Variants in PAPSS2 observed in about 807,000 individuals in gnomAD.
PAPSS2 encodes bifunctional 3'-phosphoadenosine 5'-phosphosulfate synthase 2.
Under a neutral mutation model 66.5 loss-of-function variants are expected in PAPSS2, and 61 were observed. The ratio of observed to expected loss-of-function variants is 0.92; its 90% CI spans 0.75 to 1.14. The LOEUF (loss-of-function observed/expected upper bound fraction) is 1.14. Among genes scored for constraint, PAPSS2 ranks in the 50% most tolerant of loss-of-function variants. The probability of loss-of-function intolerance (pLI) is 0.00; values close to 1 mark genes in which losing one functional copy is unlikely to be tolerated. For synonymous variants in PAPSS2, 289 were observed against 287.5 expected (o/e 1.01, Z -0.05); for missense variants, 708 against 789.6 (o/e 0.90, Z 1.24).
In PAPSS2 at chr10:87,721,906, G is replaced by A. The variant is rs1166005866; in HGVS notation, c.880+136G>A. On this transcript the variant is annotated intron_variant, in intron 8 of 12. Coordinates refer to ENST00000456849, the MANE Select transcript of PAPSS2 (RefSeq NM_001015880.2). ...TCGCTATTAGTTCATGATCCAACCAGCTATAGTAGAATAACACTGTATTTT... is the reference window on the plus strand; with the variant it reads ...TCGCTATTAGTTCATGATCCAACCAACTATAGTAGAATAACACTGTATTTT... 6 of 603,160 alleles carry A rather than the reference G, an allele frequency of 9.9e-6. No homozygotes were observed. The Admixed American group carries it at 1.6e-4, about 16-fold the overall frequency. The allele number at this position is 603,160 out of a possible 1,614,324, so 37.4% of individuals were successfully genotyped here.
intron 1 of PAPSS2, among the ~76,000 whole-genome samples, chr10:87,671,290 G>T (rs1852875147): frequency 6.6e-6 from 1 of 152,156 alleles, no homozygotes. Flanking sequence ...CAGACTAAAA[G>T]GATGATGCAG....
intron 9 of PAPSS2, 95 bp downstream of exon 9, chr10:87,727,584 A>G (rs944568982): frequency 6.6e-6 from 7 of 1,063,596 alleles, no homozygotes; most frequent in Non-Finnish European, 9.9e-6. Flanking sequence ...ACTTAGAAAA[A>G]CTGGGATTAG....
intron 1 of PAPSS2, among the ~76,000 whole-genome samples, chr10:87,665,486 C>G (rs909613105): frequency 5.9e-5 from 9 of 152,208 alleles, no homozygotes; most frequent in African/African-American, 1.2e-4. Flanking sequence ...GCTGGGATTA[C>G]AGGCGTGAGC....
chr10:87,721,178 C>T (rs957455135), intron 7 of PAPSS2, among the ~76,000 whole-genome samples: 1 of 152,186 alleles, frequency 6.6e-6, no homozygotes, highest in Non-Finnish European at 1.5e-5. Context: ...ATTTTGTCCA[C>T]TTGAGAAAAT....
chr10:87,726,312 C>T (rs2131720029), intron 8 of PAPSS2, among the ~76,000 whole-genome samples: 2 of 152,290 alleles, frequency 1.3e-5, no homozygotes, highest in Middle Eastern at 3.4e-3. Context: ...TGCCTGTAAT[C>T]CCAGCTACTC....
intron 1 of PAPSS2, among the ~76,000 whole-genome samples, chr10:87,682,242 A>G (rs1853030130): frequency 6.6e-6 from 1 of 152,216 alleles, no homozygotes; most frequent in South Asian, 2.1e-4. Flanking sequence ...CATGCCGGCT[A>G]GGCTATAGAG....
At chr10:87,663,261 A>G (rs534800754) in intron 1 of PAPSS2, among the ~76,000 whole-genome samples, 1 of 151,822 alleles carries the variant, frequency 6.6e-6, no homozygotes, top group East Asian at 1.9e-4. Context: ...ACTGGTGTGT[A>G]CCACCACGCC....
At chr10:87,671,250 A>C (rs1006635536) in intron 1 of PAPSS2, among the ~76,000 whole-genome samples, 1 of 152,214 alleles carries the variant, frequency 6.6e-6, no homozygotes, top group African/African-American at 2.4e-5. Context: ...TCTTTTGATT[A>C]TTTAAACATG....
At chr10:87,668,232 CT>C (rs1051490897) in intron 1 of PAPSS2, among the ~76,000 whole-genome samples, 5 of 152,174 alleles carry the variant, frequency 3.3e-5, no homozygotes, top group African/African-American at 1.2e-4. Flanking sequence ...TGGCCCTCTG[CT>C]GGGGGTCCCA....
At chr10:87,713,819 A>C (rs188637191) in intron 3 of PAPSS2, among the ~76,000 whole-genome samples, 1 of 152,308 alleles carries the variant, frequency 6.6e-6, no homozygotes, top group East Asian at 1.9e-4. Context: ...CCATATGGCC[A>C]GTGCTTTCCT....
At chr10:87,678,863 C>A (rs948111809) in intron 1 of PAPSS2, among the ~76,000 whole-genome samples, 1 of 152,096 alleles carries the variant, frequency 6.6e-6, no homozygotes, top group Non-Finnish European at 1.5e-5. Context: ...CTGTGGAAAA[C>A]AAATGGAGAT....
chr10:87,736,263 CTT>C (rs10553485), intron 9 of PAPSS2, among the ~76,000 whole-genome samples: 7,698 of 102,836 alleles, frequency 0.075, 154 homozygotes, highest in African/African-American at 0.1. Context: ...TTCTTTCTTT[CTT>C]TTTTTTTTTT....
At chr10:87,697,535 A>G (rs1219870646) in intron 1 of PAPSS2, among the ~76,000 whole-genome samples, 4 of 152,200 alleles carry the variant, frequency 2.6e-5, no homozygotes, top group Non-Finnish European at 4.4e-5. Context: ...GGTTGATTAC[A>G]TAGAATTGTA....
chr10:87,721,856 G>A (rs1853602678), intron 8 of PAPSS2, 86 bp downstream of exon 8: 3 of 795,634 alleles, frequency 3.8e-6, no homozygotes, highest in Non-Finnish European at 6.1e-6. Context: ...ATAACTAAAA[G>A]AAAATCTACA....
At chr10:87,715,587 G>A in intron 6 of PAPSS2, 145 bp from the exon 7 acceptor site, 3 of 700,338 alleles carry the variant, frequency 4.3e-6, no homozygotes, top group South Asian at 3.1e-5. Context: ...TAGATCATGG[G>A]TTAGCATAAC....
intron 8 of PAPSS2, among the ~76,000 whole-genome samples, chr10:87,723,183 A>G (rs983400113): frequency 8.5e-5 from 13 of 152,214 alleles, no homozygotes; most frequent in African/African-American, 3.1e-4. Context: ...AAGCAGAGGC[A>G]AATATCATGG....
At position 87,727,381 on chromosome 10, in the gene PAPSS2, T is replaced by G; in HGVS notation, c.978T>G (p.Gly326=). 6.2e-7 allele frequency: 1 copy of G among 1,614,046 alleles called. No homozygotes were observed. Among genetic ancestry groups the G allele is most frequent in the Non-Finnish European group, 8.5e-7 (1 of 1,179,964 alleles). Residue 326 remains glycine, a synonymous_variant, in exon 9 of 13, where the codon GGT becomes GGG. Transcript: ENST00000456849. ...EGCSKFVLAH[G]GRRVAILRDA... ...GCAGCAAGTTTGTCCTGGCACATGG[T>G]GGACGGAGGGTAGCTATCTTACGAG...
At chr10:87,704,366 T>G (rs899061677) in intron 1 of PAPSS2, among the ~76,000 whole-genome samples, 9 of 152,184 alleles carry the variant, frequency 5.9e-5, no homozygotes, top group Admixed American at 2.0e-4. Flanking sequence ...ATGATCAAGA[T>G]CGTAACAAAG....
At chr10:87,685,871 C>T (rs1010523866) in intron 1 of PAPSS2, among the ~76,000 whole-genome samples, 1 of 152,158 alleles carries the variant, frequency 6.6e-6, no homozygotes, top group Non-Finnish European at 1.5e-5. Context: ...GGGTCACCTA[C>T]TCTCAAATTC....
Sources: gnomAD v4.1 joint callset for allele counts (sites outside exome capture counted in the v4.1 genomes callset) on GRCh38, gnomAD v4.1.1 for gene constraint, MANE v1.5 for transcripts, NCBI Gene and HGNC (gene_info 2026-07-23, HGNC 2026-07-21) for gene names.